The following SLC12A6 variants were observed in gnomAD, a reference collection of about 807,000 sequenced individuals.
The protein encoded by SLC12A6 is solute carrier family 12 member 6.
In SLC12A6, 66 loss-of-function variants were observed where a neutral mutation model predicts 135.3. The observed-to-expected ratio is 0.49, with a 90% CI of 0.40 to 0.60. The LOEUF is 0.60. Ranked by LOEUF, SLC12A6 falls within the 20% of genes least tolerant of loss-of-function variation. SLC12A6 has a pLI of 0.00. For missense variants in SLC12A6, 1,058 were observed against 1,452.3 expected, an observed-to-expected ratio of 0.73 and a Z score of 4.41; for synonymous variants, 513 against 508.8, an observed-to-expected ratio of 1.01 and a Z score of -0.11.
At chr15:34,299,752 G>A (rs1431770185) in intron 2 of SLC12A6, 1 of 152,154 alleles carries the variant, frequency 6.6e-6, no homozygotes, top group Non-Finnish European at 1.5e-5. Context: ...GTACAAAAGA[G>A]TAATAAACAA....
At chr15:34,241,574 A>T (rs1382259122) in intron 17 of SLC12A6, among the ~76,000 whole-genome samples, 1 of 152,214 alleles carries the variant, frequency 6.6e-6, no homozygotes, top group African/African-American at 2.4e-5. Flanking sequence ...GGGGTCACTC[A>T]TTCAGTCCTT....
intron 3 of SLC12A6, among the ~76,000 whole-genome samples, chr15:34,266,458 T>A (rs1420806631): frequency 6.6e-6 from 1 of 152,124 alleles, no homozygotes; most frequent in Non-Finnish European, 1.5e-5. Flanking sequence ...TTATTATTTT[T>A]TGAGACAGGG....
chr15:34,281,902 A>G (rs894518475), intron 2 of SLC12A6, among the ~76,000 whole-genome samples: 1 of 152,208 alleles, frequency 6.6e-6, no homozygotes, highest in Non-Finnish European at 1.5e-5. Context: ...ATGTTTCTAC[A>G]CTACCTCATA....
chr15:34,331,406 G>C (rs568674741), intron 2 of SLC12A6, among the ~76,000 whole-genome samples: 2 of 152,330 alleles, frequency 1.3e-5, no homozygotes, highest in East Asian at 1.9e-4. Context: ...CTCCCAAAGT[G>C]CTGAGATTAC....
At chr15:34,265,005 G>A (rs1893401437) in intron 3 of SLC12A6, among the ~76,000 whole-genome samples, 2 of 152,132 alleles carry the variant, frequency 1.3e-5, no homozygotes, top group South Asian at 4.1e-4. Flanking sequence ...GACCATCCTG[G>A]CTAACACGGT....
At position 34,322,445 on chromosome 15, in the gene SLC12A6, T is replaced by G. The variant is rs1013730036; in HGVS notation, c.271+13965A>C. ...AAGTTTACCTCAAAAGAAAAAAAGCTGCAGTTACTGAATTCTAATTCATAA... is the reference window on the plus strand; with the variant it reads ...AAGTTTACCTCAAAAGAAAAAAAGCGGCAGTTACTGAATTCTAATTCATAA... On this transcript the variant is annotated intron_variant, in intron 2 of 25. Transcript: ENST00000354181. Among the ~76,000 whole-genome samples the G allele has an allele frequency of 2.6e-5, 4 of 152,168 alleles. No individual in the cohort carries two copies. The South Asian group carries it at 8.3e-4, about 32-fold the overall frequency.
intron 7 of SLC12A6, 143 bp downstream of exon 7, chr15:34,256,086 T>A: frequency 1.4e-6 from 1 of 702,584 alleles, no homozygotes; most frequent in Non-Finnish European, 2.6e-6. Flanking sequence ...GTATTATGTC[T>A]ACGTCCTATA....
Position 34,336,531 on chromosome 15 carries a change from G to A in SLC12A6, c.150C>T (p.Ser50=), listed in dbSNP as rs373655012. 9 of 1,613,794 alleles carry A rather than the reference G, an allele frequency of 5.6e-6. No homozygotes were observed. In the South Asian group the frequency reaches 8.8e-5, roughly 16 times the overall value. ...GCTCACTCCGGCTTGTTTCAGGCAC[G>A]CTTTCCCGGGAGCTAAATCTTACTC... The part of the protein sequence containing the change: ...SSRVRFSSRE[S]VPETSRSEPM... Residue 50 remains serine (S), a synonymous_variant, in exon 2 of 26, where the codon AGC becomes AGT. Transcript: ENST00000354181.
intron 5 of SLC12A6, 21 bp downstream of exon 5, chr15:34,258,792 C>T: frequency 6.2e-7 from 1 of 1,602,838 alleles, no homozygotes; most frequent in Non-Finnish European, 8.5e-7. Context: ...CTATGTATTC[C>T]TTGTTATTCT....
intron 2 of SLC12A6, among the ~76,000 whole-genome samples, chr15:34,333,562 G>A (rs114976951): frequency 0.04 from 6,088 of 151,976 alleles, 236 homozygotes; most frequent in African/African-American, 0.1. Context: ...CTTTCCAGAG[G>A]CATCCACTCT....
chr15:34,238,429 A>C, intron 20 of SLC12A6, 28 bp from the exon 21 acceptor site: 1 of 1,585,850 alleles, frequency 6.3e-7, no homozygotes. Flanking sequence ...TAAGCAGAGA[A>C]GAATCCTTAG....
rs1595404967 is a variant in SLC12A6, at chr15:34,239,048, C to T, written c.2549G>A (p.Gly850Asp). 6.2e-7 allele frequency: 1 copy of T among 1,614,122 alleles called. No individual in the cohort carries two copies. The highest frequency in any genetic ancestry group is 8.5e-7 in the Non-Finnish European group (1 of 1,179,950). Residue 850 changes from glycine (G) to aspartate (D), a missense_variant, in exon 20 of 26, where the codon GGC becomes GAC. By Grantham distance (94) the Gly-to-Asp change is moderately conservative (BLOSUM62 -1). Coordinates refer to ENST00000354181, the MANE Select transcript of SLC12A6 (RefSeq NM_001365088.1). Reference protein sequence around the residue: ...SHLIQSCGLGGMKHNTVVMGW... With the variant: ...SHLIQSCGLGDMKHNTVVMGW... ...CATCACCACCGTGTTGTGCTTCATG[C>T]CCCCAAGGCCACATGACTGGATGAG...
intron 2 of SLC12A6, among the ~76,000 whole-genome samples, chr15:34,278,995 C>T (rs1019883165): frequency 6.6e-6 from 1 of 152,044 alleles, no homozygotes; most frequent in Non-Finnish European, 1.5e-5. Flanking sequence ...CCTCCAAGAA[C>T]CTGCAAATCT....
At chr15:34,329,135 C>T (rs571154278) in intron 2 of SLC12A6, among the ~76,000 whole-genome samples, 1 of 152,178 alleles carries the variant, frequency 6.6e-6, no homozygotes, top group Non-Finnish European at 1.5e-5. Context: ...TATTCTGAAA[C>T]AACAAGCTCA....
intron 2 of SLC12A6, among the ~76,000 whole-genome samples, chr15:34,323,772 G>T (rs1041779358): frequency 6.6e-6 from 1 of 152,026 alleles, no homozygotes; most frequent in Non-Finnish European, 1.5e-5. Flanking sequence ...GCAACATGGC[G>T]AAACCCTTTC....
At chr15:34,313,104 A>T (rs1416633659) in intron 2 of SLC12A6, among the ~76,000 whole-genome samples, 1 of 152,238 alleles carries the variant, frequency 6.6e-6, no homozygotes, top group East Asian at 1.9e-4. Context: ...TAAGTTTTCA[A>T]GTGAAAAGAT....
chr15:34,307,135 C>T (rs1042522948), intron 2 of SLC12A6, among the ~76,000 whole-genome samples: 1 of 152,178 alleles, frequency 6.6e-6, no homozygotes, highest in East Asian at 1.9e-4. Context: ...AAAATATACA[C>T]CTTAAAGATG....
intron 7 of SLC12A6, 76 bp from the exon 8 acceptor site, chr15:34,255,468 G>A: frequency 9.4e-7 from 1 of 1,060,028 alleles, no homozygotes; most frequent in Non-Finnish European, 1.4e-6. Context: ...ACAGAAATAA[G>A]AAAAAATATA....
At position 34,326,409 on chromosome 15, in the gene SLC12A6, G is replaced by A. The variant is rs972417657; in HGVS notation, c.271+10001C>T. ...TAAACCTGACATTAAGCAACATATTGTTAAAACTAAGGACATATTTCTAAA... is the reference window on the plus strand; with the variant it reads ...TAAACCTGACATTAAGCAACATATTATTAAAACTAAGGACATATTTCTAAA... On this transcript the variant is annotated intron_variant, in intron 2 of 25. Coordinates refer to ENST00000354181, the MANE Select transcript of SLC12A6 (RefSeq NM_001365088.1). Among the ~76,000 whole-genome samples the A allele has an allele frequency of 3.3e-5, 5 of 152,104 alleles. No individual in the cohort carries two copies. In the South Asian group the frequency reaches 1.0e-3, roughly 32 times the overall value.
Sources: allele counts gnomAD v4.1 joint callset (sites outside exome capture counted in the v4.1 genomes callset), GRCh38; gene constraint gnomAD v4.1.1; transcripts MANE v1.5; gene names NCBI Gene and HGNC (gene_info 2026-07-23, HGNC 2026-07-21).